The following PCDHA4 variants were observed in gnomAD, a reference collection of about 807,000 sequenced individuals.
PCDHA4 encodes protocadherin alpha 4.
PCDHA4 carries 49 observed loss-of-function variants against 61.4 expected under a neutral mutation model. The ratio of observed to expected loss-of-function variants is 0.80; its 90% confidence interval spans 0.63 to 1.01. The LOEUF (loss-of-function observed/expected upper bound fraction) is 1.01, where lower values mean the gene tolerates loss of function less well. Among genes scored for constraint, PCDHA4 ranks in the 50% least tolerant of loss-of-function variants. PCDHA4 has a pLI of 0.00. For synonymous variants in PCDHA4, 590 were observed against 550.3 expected (o/e 1.07, Z -1.01); for missense variants, 1,254 against 1,235.8 (o/e 1.01, Z -0.22).
intron 1 of PCDHA4, chr5:140,823,233 C>A (rs2150123800): frequency 6.2e-7 from 1 of 1,613,610 alleles, no homozygotes; most frequent in East Asian, 2.2e-5. Context: ...CGCAGGAGAA[C>A]GCCCTGGTGT....
chr5:140,926,424 G>A (rs894649962), intron 1 of PCDHA4: 2 of 153,468 alleles, frequency 1.3e-5, no homozygotes, highest in African/African-American at 4.8e-5. Context: ...AGAGGATGTG[G>A]AGGTTAAGAT....
At chr5:140,810,445 C>G (rs1312251271) in intron 1 of PCDHA4, 2 of 152,190 alleles carry the variant, frequency 1.3e-5, no homozygotes, top group South Asian at 2.1e-4. Context: ...TGTTTACATT[C>G]CTAGTAGTGC....
At chr5:140,966,405 A>G (rs562045428) in intron 1 of PCDHA4, 6 of 404,248 alleles carry the variant, frequency 1.5e-5, no homozygotes, top group African/African-American at 1.2e-4. Context: ...TCGGCGCGGA[A>G]TCAGAGCAGG....
chr5:140,810,167 A>T (rs1460461101), intron 1 of PCDHA4: 2 of 152,314 alleles, frequency 1.3e-5, no homozygotes, highest in Non-Finnish European at 2.9e-5. Context: ...ATGTTGTTAT[A>T]TGTAGTTGTA....
intron 1 of PCDHA4, chr5:140,862,242 A>C (rs1297106167): frequency 4.7e-6 from 1 of 212,242 alleles, no homozygotes; most frequent in Non-Finnish European, 9.5e-6. Flanking sequence ...CATCAATGAT[A>C]GTGTTCCAGA....
intron 1 of PCDHA4, chr5:140,841,822 GTTAACCTAC>G: frequency 6.2e-7 from 1 of 1,613,942 alleles, no homozygotes; most frequent in Non-Finnish European, 8.5e-7. Context: ...CTAACTCCGT[GTTAACCTAC>G]AGGCTTAGCT....
chr5:140,909,376 A>C (rs934172847), intron 1 of PCDHA4, among the ~76,000 whole-genome samples: 3 of 152,208 alleles, frequency 2.0e-5, no homozygotes, highest in Non-Finnish European at 4.4e-5. Context: ...AAGCAATGAA[A>C]CCACATCTAG....
intron 1 of PCDHA4, chr5:140,884,206 C>A: frequency 6.2e-7 from 1 of 1,613,542 alleles, no homozygotes; most frequent in Admixed American, 1.7e-5. Flanking sequence ...CGCACCACCG[C>A]CTTCTGGTGC....
intron 1 of PCDHA4, chr5:140,829,805 G>A: frequency 6.2e-7 from 1 of 1,613,860 alleles, no homozygotes; most frequent in Non-Finnish European, 8.5e-7. Context: ...TCGGGTGGGT[G>A]GTACTGGTGG....
chr5:141,007,079 TAGAGA>T (rs1308407580), intron 3 of PCDHA4, among the ~76,000 whole-genome samples: 1 of 151,804 alleles, frequency 6.6e-6, no homozygotes, highest in African/African-American at 2.4e-5. Flanking sequence ...GAAGAGAAAA[TAGAGA>T]AGAGAGTCTA....
At chr5:140,947,275 T>G (rs246050) in intron 1 of PCDHA4, among the ~76,000 whole-genome samples, 85,352 of 151,290 alleles carry the variant, frequency 0.56, 24,679 homozygotes, top group African/African-American at 0.69. Context: ...GAAAATACTT[T>G]TTCTTTTTAT....
At chr5:140,966,868 G>A (rs781853403) in intron 1 of PCDHA4, 47 of 1,580,198 alleles carry the variant, frequency 3.0e-5, no homozygotes, top group Non-Finnish European at 3.7e-5. Flanking sequence ...TGTTGCTGCT[G>A]CTGCTACCTG....
At chr5:140,884,651 T>C in intron 1 of PCDHA4, 1 of 1,604,404 alleles carries the variant, frequency 6.2e-7, no homozygotes. Context: ...GGACTCAGAA[T>C]GCTTGAAAGA....
At chr5:140,894,503 T>C (rs934592222) in intron 1 of PCDHA4, among the ~76,000 whole-genome samples, 1 of 152,016 alleles carries the variant, frequency 6.6e-6, no homozygotes. Context: ...TTAGGCATTA[T>C]CCATAGTGTT....
chr5:140,947,938 A>G (rs2094195228), intron 1 of PCDHA4, among the ~76,000 whole-genome samples: 1 of 151,536 alleles, frequency 6.6e-6, no homozygotes, highest in African/African-American at 2.4e-5. Context: ...CTTATGAGAA[A>G]AGTGTTCCAT....
chr5:140,884,209 T>G (rs1159344104), intron 1 of PCDHA4: 6 of 1,613,276 alleles, frequency 3.7e-6, no homozygotes, highest in Non-Finnish European at 3.4e-6. Context: ...ACCACCGCCT[T>G]CTGGTGCTGG....
intron 1 of PCDHA4, among the ~76,000 whole-genome samples, chr5:140,818,376 C>T (rs2150101046): frequency 1.1e-4 from 17 of 152,280 alleles, no homozygotes; most frequent in African/African-American, 2.4e-4. Flanking sequence ...TAACTTGAAT[C>T]GTGGCATTTT....
chr5:140,902,258 G>A (rs1389556264), intron 1 of PCDHA4, among the ~76,000 whole-genome samples: 2 of 137,592 alleles, frequency 1.5e-5, no homozygotes, highest in African/African-American at 5.6e-5. Context: ...GGCTGGTCTC[G>A]AACTCCTGGG....
intron 1 of PCDHA4, chr5:140,877,544 C>A (rs782624202): frequency 6.2e-7 from 1 of 1,613,676 alleles, no homozygotes; most frequent in African/African-American, 1.3e-5. Context: ...GATCCCGAAG[C>A]GGCTCTGGTG....
Sources: allele counts gnomAD v4.1 joint callset (sites outside exome capture counted in the v4.1 genomes callset), GRCh38; gene constraint gnomAD v4.1.1; transcripts MANE v1.5; gene names NCBI Gene and HGNC (gene_info 2026-07-23, HGNC 2026-07-21).